Variants in ALPK1 observed in about 807,000 individuals in gnomAD.
ALPK1 encodes alpha-protein kinase 1.
In ALPK1, 110 loss-of-function variants were observed where a neutral mutation model predicts 120.6. That is an observed-to-expected ratio of 0.91 (90% CI 0.78 to 1.07). The LOEUF (loss-of-function observed/expected upper bound fraction) is 1.07. Ranked by LOEUF, ALPK1 falls within the 50% of genes least tolerant of loss-of-function variation. ALPK1 has a pLI of 0.00. For synonymous variants in ALPK1, 582 were observed against 560.3 expected (o/e 1.04, Z -0.55); for missense variants, 1,498 against 1,483.9 (o/e 1.01, Z -0.16).
At chr4:112,382,297 T>C in intron 3 of ALPK1, 101 bp from the exon 4 acceptor site, 2 of 1,004,074 alleles carry the variant, frequency 2.0e-6, no homozygotes, top group South Asian at 2.1e-5. Context: ...CTCTTTTTTT[T>C]TTTTTTTTTT....
At chr4:112,354,835 A>AG (rs1236329063) in intron 2 of ALPK1, among the ~76,000 whole-genome samples, 1 of 152,190 alleles carries the variant, frequency 6.6e-6, no homozygotes, top group Non-Finnish European at 1.5e-5. Flanking sequence ...TTTATTAATT[A>AG]TTGACATTTG....
intron 2 of ALPK1, among the ~76,000 whole-genome samples, chr4:112,372,992 C>T (rs567680792): frequency 2.0e-5 from 3 of 152,162 alleles, no homozygotes; most frequent in Admixed American, 1.3e-4. Flanking sequence ...CTCTCTTTCT[C>T]GATGTAGTTC....
Position 112,432,285 on chromosome 4 carries a change from A to G in ALPK1, c.2738A>G (p.Gln913Arg), listed in dbSNP as rs776759922. 8.1e-6 allele frequency: 13 copies of G among 1,614,258 alleles called. No homozygotes were observed. Among genetic ancestry groups the G allele is most frequent in the Middle Eastern group, 3.3e-4 (2 of 6,062 alleles). ...TGCACTACCACAGAGGAAGGAAATCAGCCTGGAAACATGCTAAACTGCAGC... is the reference window on the plus strand; with the variant it reads ...TGCACTACCACAGAGGAAGGAAATCGGCCTGGAAACATGCTAAACTGCAGC... ...EDCTTTEEGN[Q>R]PGNMLNCSQN... is the part of the protein sequence containing the mutation. The change falls in exon 11 of 16, where the codon CAG becomes CGG. Residue 913 changes from glutamine (Q) to arginine (R), a missense_variant. By Grantham distance (43) the Gln-to-Arg change is conservative. Transcript: ENST00000650871.
At chr4:112,425,932 G>T in intron 7 of ALPK1, 181 bp downstream of exon 7, 1 of 476,016 alleles carries the variant, frequency 2.1e-6, no homozygotes. Context: ...TTAATAAAAT[G>T]TGTTTTTTTC....
chr4:112,342,694 A>T (rs1729911998), intron 2 of ALPK1, among the ~76,000 whole-genome samples: 1 of 152,210 alleles, frequency 6.6e-6, no homozygotes, highest in Non-Finnish European at 1.5e-5. Flanking sequence ...AATCCACAGT[A>T]AATTCTGGAT....
chr4:112,421,501 G>T (rs2148756029), intron 5 of ALPK1, among the ~76,000 whole-genome samples: 1 of 152,176 alleles, frequency 6.6e-6, no homozygotes, highest in South Asian at 2.1e-4. Context: ...TTTGCCCCAG[G>T]TTTTAATATT....
intron 11 of ALPK1, 47 bp from the exon 12 acceptor site, chr4:112,435,101 A>G: frequency 6.4e-7 from 1 of 1,573,472 alleles, no homozygotes; most frequent in African/African-American, 1.4e-5. Context: ...CATGAATTGT[A>G]ACGTCCTTTT....
intron 2 of ALPK1, among the ~76,000 whole-genome samples, chr4:112,333,201 C>T (rs984110438): frequency 6.6e-6 from 1 of 152,240 alleles, no homozygotes. Flanking sequence ...TGATCTGGCC[C>T]TGCATAATTA....
At chr4:112,322,139 C>A (rs1251835595) in intron 2 of ALPK1, among the ~76,000 whole-genome samples, 1 of 152,176 alleles carries the variant, frequency 6.6e-6, no homozygotes, top group Non-Finnish European at 1.5e-5. Flanking sequence ...GAAGCTTTGA[C>A]ATAAACATTG....
At chr4:112,312,366 C>T (rs1213241682) in intron 1 of ALPK1, among the ~76,000 whole-genome samples, 21 of 152,044 alleles carry the variant, frequency 1.4e-4, no homozygotes, top group Admixed American at 2.6e-4. Flanking sequence ...CTCCGCCTCC[C>T]GGGTCACGTC....
intron 2 of ALPK1, among the ~76,000 whole-genome samples, chr4:112,376,129 A>G (rs1458213333): frequency 6.6e-6 from 1 of 152,188 alleles, no homozygotes. Context: ...TCAGATCACC[A>G]TAACAGATAT....
intron 4 of ALPK1, among the ~76,000 whole-genome samples, chr4:112,404,683 C>T (rs937059581): frequency 5.9e-5 from 9 of 152,190 alleles, no homozygotes; most frequent in African/African-American, 2.2e-4. Context: ...TCTTTCTGTG[C>T]AATCTGGGCT....
intron 2 of ALPK1, among the ~76,000 whole-genome samples, chr4:112,317,204 G>C (rs553208725): frequency 1.8e-4 from 27 of 152,092 alleles, no homozygotes; most frequent in African/African-American, 6.3e-4. Context: ...TTTTCACTCT[G>C]CTGATTGTGC....
intron 4 of ALPK1, among the ~76,000 whole-genome samples, chr4:112,408,198 G>A (rs1733281264): frequency 6.6e-6 from 1 of 152,126 alleles, no homozygotes; most frequent in South Asian, 2.1e-4. Context: ...CAGGCTATCT[G>A]AGTACCCCCC....
rs758566758 is a variant in ALPK1 at position 112,431,196 on chromosome 4, A to C, written c.1649A>C (p.Asp550Ala). ...THSDAFRVSL[D>A]QDVETETEPS... is the part of the protein sequence containing the mutation. ...TCTGATGCATTTCGAGTCTCCTTGG[A>C]TCAAGATGTGGAGACTGAGACTGAG... Residue 550 changes from aspartate (D) to alanine (A), a missense_variant, in exon 11 of 16, where the codon GAT becomes GCT. By Grantham distance (126) the Asp-to-Ala change is moderately radical. Coordinates refer to ENST00000650871, the MANE Select transcript of ALPK1 (RefSeq NM_025144.4). 3 of 1,614,212 alleles carry C rather than the reference A, an allele frequency of 1.9e-6. No homozygotes were observed. The highest frequency in any genetic ancestry group is 2.5e-6 in the Non-Finnish European group (3 of 1,180,038).
At chr4:112,350,512 C>T (rs1371860956) in intron 2 of ALPK1, among the ~76,000 whole-genome samples, 1 of 152,226 alleles carries the variant, frequency 6.6e-6, no homozygotes, top group Non-Finnish European at 1.5e-5. Flanking sequence ...TCCGTTGCCT[C>T]ACCCACTGTA....
intron 4 of ALPK1, among the ~76,000 whole-genome samples, chr4:112,397,517 C>G (rs572121045): frequency 6.6e-6 from 1 of 152,136 alleles, no homozygotes; most frequent in African/African-American, 2.4e-5. Context: ...TATGTGAAAT[C>G]GAGACCTCTA....
rs74736245 is a variant in ALPK1, at chr4:112,318,440, C to G, written c.-101+2588C>G. ...TGAAGGTGACACAGATAGTGAGTGTCAAGGCTAAGTGATTAGCCCAGGGTC... is the reference window on the plus strand; with the variant it reads ...TGAAGGTGACACAGATAGTGAGTGTGAAGGCTAAGTGATTAGCCCAGGGTC... On this transcript the variant is annotated intron_variant, in intron 2 of 15. Coordinates refer to ENST00000650871, the MANE Select transcript of ALPK1 (RefSeq NM_025144.4). Among the ~76,000 whole-genome samples the G allele has an allele frequency of 7.7e-3, 1,169 of 152,302 alleles. 22 individuals carry two copies. The highest frequency in any genetic ancestry group is 0.027 in the African/African-American group (1,112 of 41,552).
intron 4 of ALPK1, among the ~76,000 whole-genome samples, chr4:112,405,568 C>T (rs1392371777): frequency 6.6e-6 from 1 of 151,918 alleles, no homozygotes. Flanking sequence ...CTTTAAAGAC[C>T]CAACTTTTTT....
Sources: gnomAD v4.1 joint callset for allele counts (sites outside exome capture counted in the v4.1 genomes callset) on GRCh38, gnomAD v4.1.1 for gene constraint, MANE v1.5 for transcripts, NCBI Gene and HGNC (gene_info 2026-07-23, HGNC 2026-07-21) for gene names.